Variants in ATP2C1 observed in about 807,000 individuals in gnomAD.
ATP2C1 encodes the protein ATPase secretory pathway Ca2+ transporting 1.
In ATP2C1, 31 loss-of-function variants were observed where a neutral mutation model predicts 120.5. The ratio of observed to expected loss-of-function variants is 0.26; its 90% CI spans 0.19 to 0.35. The LOEUF (loss-of-function observed/expected upper bound fraction) is 0.35, where lower values mean the gene tolerates loss of function less well. ATP2C1 is among the 10% of genes least tolerant of loss of function. ATP2C1 has a pLI of 1.00. For missense variants in ATP2C1, 731 were observed against 1,107.5 expected (o/e 0.66, Z 4.83); for synonymous variants, 351 against 358.7 (o/e 0.98, Z 0.24).
At chr3:130,928,934 T>A (rs745500759) in intron 2 of ATP2C1, among the ~76,000 whole-genome samples, 3 of 152,210 alleles carry the variant, frequency 2.0e-5, no homozygotes, top group Non-Finnish European at 4.4e-5. Flanking sequence ...CTCCAATGTT[T>A]TACTTAGGAA....
chr3:130,949,572 T>C (rs1344447575), intron 8 of ATP2C1, among the ~76,000 whole-genome samples: 1 of 152,136 alleles, frequency 6.6e-6, no homozygotes, highest in African/African-American at 2.4e-5. Context: ...GTAGCTAAGA[T>C]CATTGAGGAA....
intron 8 of ATP2C1, 130 bp downstream of exon 8, chr3:130,941,829 T>C: frequency 1.2e-6 from 1 of 804,284 alleles, no homozygotes; most frequent in Non-Finnish European, 2.1e-6. Context: ...AAATGTGACA[T>C]ATATAAACTT....
intron 7 of ATP2C1, among the ~76,000 whole-genome samples, chr3:130,941,028 C>T (rs1356601215): frequency 1.9e-5 from 2 of 106,898 alleles, no homozygotes; most frequent in African/African-American, 5.3e-5. Flanking sequence ...CATTTTCTTG[C>T]CTCAGCCTCC....
At chr3:130,983,178 T>G (rs2061846892) in intron 20 of ATP2C1, among the ~76,000 whole-genome samples, 1 of 152,156 alleles carries the variant, frequency 6.6e-6, no homozygotes, top group Non-Finnish European at 1.5e-5. Flanking sequence ...ACTGTAAATG[T>G]TCCTTTAAGG....
At chr3:130,985,922 T>G (rs2061988278) in intron 20 of ATP2C1, among the ~76,000 whole-genome samples, 1 of 152,218 alleles carries the variant, frequency 6.6e-6, no homozygotes, top group African/African-American at 2.4e-5. Flanking sequence ...TATGATTCGA[T>G]GTACACTAAC....
At chr3:131,013,999 C>T (rs1040877325) in intron 26 of ATP2C1, 187 of 1,296,092 alleles carry the variant, frequency 1.4e-4, no homozygotes, top group Non-Finnish European at 1.8e-4. Context: ...AGGGTGGTAA[C>T]GGAAGAATTT....
intron 1 of ATP2C1, among the ~76,000 whole-genome samples, chr3:130,851,751 G>A (rs1017566437): frequency 1.3e-5 from 2 of 152,178 alleles, no homozygotes; most frequent in Non-Finnish European, 2.9e-5. Flanking sequence ...GTATACAAAT[G>A]TGAAGGACAA....
At chr3:130,869,036 T>C (rs1321085234) in intron 1 of ATP2C1, 5 of 214,792 alleles carry the variant, frequency 2.3e-5, no homozygotes, top group South Asian at 1.9e-4. Context: ...CGGGTCTGTA[T>C]GGATAGAAGT....
rs757324633 is a variant in ATP2C1 at position 131,002,197 on chromosome 3, A to G, written c.*847A>G. ...ATGTCTTCCTTTTTGAGGTAAAGAT[A>G]TATACTTTGTCAAATATCATTTTGT... is the stretch of plus-strand genomic sequence containing the variant. On this transcript the variant is annotated 3_prime_UTR_variant, in exon 28 of 28. Transcript: ENST00000510168. The G allele has an allele frequency of 8.0e-5, 78 of 971,084 alleles. No individual in the cohort carries two copies. The highest frequency in any genetic ancestry group is 9.4e-5 in the Non-Finnish European group (77 of 817,048). The allele number at this position is 971,084 out of a possible 1,614,324, so 60.2% of individuals were successfully genotyped here.
chr3:130,889,583 TG>T (rs2069097157), upstream of ATP2C1, among the ~76,000 whole-genome samples: 1 of 151,914 alleles, frequency 6.6e-6, no homozygotes, highest in Non-Finnish European at 1.5e-5. Flanking sequence ...ATTCAGATAA[TG>T]TTGTCCTAGT....
At chr3:130,893,905 G>T (rs1458849826), upstream of ATP2C1, 2 of 984,496 alleles carry the variant, frequency 2.0e-6, no homozygotes, top group Admixed American at 6.1e-5. Context: ...CCGGGCCGAA[G>T]TCTCGGCCTT....
At chr3:130,954,911 C>T in intron 9 of ATP2C1, 101 bp from the exon 10 acceptor site, 1 of 816,530 alleles carries the variant, frequency 1.2e-6, no homozygotes, top group East Asian at 2.6e-5. Flanking sequence ...TAGACATCTT[C>T]ACTGTAGGTA....
upstream of ATP2C1, chr3:130,893,912 CCTTCA>C (rs1576610632): frequency 3.0e-6 from 3 of 985,244 alleles, no homozygotes; most frequent in Non-Finnish European, 3.6e-6. Context: ...GAAGTCTCGG[CCTTCA>C]CTTCACTTCC....
chr3:130,929,735 T>A (rs1031476928), intron 2 of ATP2C1: 3 of 154,340 alleles, frequency 1.9e-5, no homozygotes, highest in Non-Finnish European at 4.3e-5. Flanking sequence ...TAAACAGTTT[T>A]CTGTAGCTAT....
chr3:130,951,359 G>A (rs1365783734), intron 8 of ATP2C1, among the ~76,000 whole-genome samples: 3 of 152,114 alleles, frequency 2.0e-5, no homozygotes, highest in Non-Finnish European at 4.4e-5. Context: ...TAACCTTTCA[G>A]TGCCTGTAAA....
intron 2 of ATP2C1, chr3:130,918,626 G>A: frequency 1.5e-6 from 1 of 653,710 alleles, no homozygotes; most frequent in Non-Finnish European, 2.9e-6. Context: ...AGCAGGATTT[G>A]CAGTAAATCT....
intron 1 of ATP2C1, among the ~76,000 whole-genome samples, chr3:130,853,877 G>A (rs887688564): frequency 2.6e-5 from 4 of 152,180 alleles, no homozygotes; most frequent in Admixed American, 2.0e-4. Flanking sequence ...GGTACACACT[G>A]GATTGACTGT....
At chr3:130,906,007 A>G (rs1430075613) in intron 2 of ATP2C1, among the ~76,000 whole-genome samples, 1 of 152,110 alleles carries the variant, frequency 6.6e-6, no homozygotes, top group Non-Finnish European at 1.5e-5. Flanking sequence ...CACCTACAGT[A>G]TGAATACTAA....
intron 20 of ATP2C1, among the ~76,000 whole-genome samples, chr3:130,984,197 G>A (rs2061896022): frequency 6.6e-6 from 1 of 152,138 alleles, no homozygotes; most frequent in Admixed American, 6.5e-5. Flanking sequence ...ATCCAGGTCT[G>A]TATGCTCCAG....
Sources: gnomAD v4.1 joint callset for allele counts (sites outside exome capture counted in the v4.1 genomes callset) on GRCh38, gnomAD v4.1.1 for gene constraint, MANE v1.5 for transcripts, NCBI Gene and HGNC (gene_info 2026-07-23, HGNC 2026-07-21) for gene names.